The following RIPK1 variants were observed in gnomAD, a reference collection of about 807,000 sequenced individuals.
RIPK1 encodes receptor-interacting serine/threonine-protein kinase 1.
In RIPK1, 27 loss-of-function variants were observed where a neutral mutation model predicts 62.4. The ratio of observed to expected loss-of-function variants is 0.43; its 90% CI spans 0.32 to 0.60. The LOEUF (loss-of-function observed/expected upper bound fraction) is 0.60. Among genes scored for constraint, RIPK1 ranks in the 20% least tolerant of loss-of-function variants. RIPK1 has a pLI of 0.07. For synonymous variants in RIPK1, 287 were observed against 303.2 expected (o/e 0.95, Z 0.55); for missense variants, 735 against 831.0 (o/e 0.88, Z 1.42).
rs188027580 is a variant in RIPK1, at chr6:3,089,068, T to C, written c.839-513T>C. 3.9e-5 allele frequency among the ~76,000 whole-genome samples: 6 copies of C among 152,326 alleles called. No individual in the cohort carries two copies. The East Asian group carries it at 1.2e-3, about 29-fold the overall frequency. ...TCAGAGACTCTGTATGTTTGTTTTA[T>C]AAATAATATATAGGATGTTTTTGTT... On this transcript the variant is annotated intron_variant, in intron 6 of 10. Transcript: ENST00000259808.
intron 1 of RIPK1, among the ~76,000 whole-genome samples, chr6:3,074,087 G>C (rs1435035669): frequency 6.6e-6 from 1 of 152,148 alleles, no homozygotes; most frequent in African/African-American, 2.4e-5. Flanking sequence ...TGCTGTTGTT[G>C]GGAGTACATC....
intron 4 of RIPK1, among the ~76,000 whole-genome samples, chr6:3,082,312 AT>A (rs1464084924): frequency 6.6e-6 from 1 of 152,154 alleles, no homozygotes; most frequent in Non-Finnish European, 1.5e-5. Flanking sequence ...CTTCCCTCTT[AT>A]GTCGTGGGTT....
rs112464612 is a variant in RIPK1, at chr6:3,096,789, G to A, written c.915+7132G>A. ...TCAGCTAAGATGGTCTCGATCTCCC[G>A]ACCTCGTGATCTGCCCGTCTCAGCC... On this transcript the variant is annotated intron_variant, in intron 7 of 10. Coordinates refer to ENST00000259808, the MANE Select transcript of RIPK1 (RefSeq NM_001354930.2). Among the ~76,000 whole-genome samples, 1,131 of 150,776 alleles carry A rather than the reference G, an allele frequency of 7.5e-3. 20 individuals carry two copies. Among genetic ancestry groups the A allele is most frequent in the African/African-American group, 0.027 (1,102 of 40,820 alleles).
At chr6:3,086,823 CCTCT>C (rs1759718815) in intron 6 of RIPK1, among the ~76,000 whole-genome samples, 2 of 152,184 alleles carry the variant, frequency 1.3e-5, no homozygotes, top group African/African-American at 2.4e-5. Flanking sequence ...ATCTCCAGTC[CCTCT>C]CTCCTCACTG....
At chr6:3,100,466 G>A (rs1050921952) in intron 7 of RIPK1, among the ~76,000 whole-genome samples, 1 of 152,120 alleles carries the variant, frequency 6.6e-6, no homozygotes, top group Non-Finnish European at 1.5e-5. Context: ...AATTCCTAGA[G>A]AGAGAATAAG....
intron 9 of RIPK1, among the ~76,000 whole-genome samples, chr6:3,110,279 TCA>T (rs1761090515): frequency 1.3e-5 from 2 of 148,668 alleles, no homozygotes; most frequent in South Asian, 4.3e-4. Context: ...CGATCTTGGC[TCA>T]CTCTGCAAGC....
chr6:3,075,902 G>T (rs1457856083), intron 1 of RIPK1, among the ~76,000 whole-genome samples: 5 of 151,002 alleles, frequency 3.3e-5, no homozygotes, highest in African/African-American at 1.2e-4. Flanking sequence ...TTTGCCATGG[G>T]CTGCTTTTTT....
upstream of RIPK1, among the ~76,000 whole-genome samples, chr6:3,067,551 C>T (rs1172512611): frequency 5.3e-5 from 8 of 151,568 alleles, no homozygotes; most frequent in Non-Finnish European, 1.0e-4. Context: ...AGCTTTTGCC[C>T]GCCTTTAATC....
chr6:3,112,204 C>T (rs1056040210), intron 10 of RIPK1, among the ~76,000 whole-genome samples: 6 of 152,202 alleles, frequency 3.9e-5, no homozygotes, highest in Middle Eastern at 3.4e-3. Context: ...GTTACCTCGT[C>T]GCTTGAAAGA....
At chr6:3,089,350 A>T (rs887706631) in intron 6 of RIPK1, among the ~76,000 whole-genome samples, 27 of 152,214 alleles carry the variant, frequency 1.8e-4, no homozygotes, top group Non-Finnish European at 2.4e-4. Context: ...TAAAAAGCAC[A>T]AAGAGCACAG....
intron 7 of RIPK1, among the ~76,000 whole-genome samples, chr6:3,099,651 G>A (rs1021723890): frequency 6.6e-6 from 1 of 152,152 alleles, no homozygotes; most frequent in Non-Finnish European, 1.5e-5. Context: ...ATTTGGCCTC[G>A]CCAACAGAGA....
intron 7 of RIPK1, among the ~76,000 whole-genome samples, chr6:3,102,915 T>G (rs1760661478): frequency 6.6e-6 from 1 of 152,214 alleles, no homozygotes; most frequent in Admixed American, 6.5e-5. Context: ...TTTTAAGTAC[T>G]GTTAAAATTG....
chr6:3,103,294 T>G (rs1453763600), intron 7 of RIPK1, among the ~76,000 whole-genome samples: 1 of 142,692 alleles, frequency 7.0e-6, no homozygotes, highest in East Asian at 1.9e-4. Context: ...TTATTTTATT[T>G]TATTTATTTA....
At chr6:3,094,590 T>C (rs1256187297) in intron 7 of RIPK1, among the ~76,000 whole-genome samples, 1 of 126,542 alleles carries the variant, frequency 7.9e-6, no homozygotes, top group Non-Finnish European at 1.5e-5. Context: ...CATATATATA[T>C]ATATATATAT....
chr6:3,081,764 G>A (rs747031083), intron 4 of RIPK1, among the ~76,000 whole-genome samples: 5 of 151,352 alleles, frequency 3.3e-5, no homozygotes, highest in Non-Finnish European at 5.9e-5. Context: ...GGAGGCTGGG[G>A]CAGGAGAATC....
intron 7 of RIPK1, among the ~76,000 whole-genome samples, chr6:3,102,973 A>C (rs1206045689): frequency 6.6e-6 from 1 of 152,162 alleles, no homozygotes; most frequent in East Asian, 1.9e-4. Context: ...AGCAATGCAC[A>C]AGGATTCTAA....
Position 3,077,761 on chromosome 6 carries a change from C to T in RIPK1, c.165-18C>T. ...GCTGGCTCTGCCAGCCTCAGCATAG[C>T]ACCTTTCCTGCCCACAGGCACAACG... On this transcript the variant is annotated intron_variant, in intron 2 of 10. Coordinates refer to ENST00000259808, the MANE Select transcript of RIPK1 (RefSeq NM_001354930.2). 6.2e-7 allele frequency: 1 copy of T among 1,613,516 alleles called. No homozygotes were observed. Among genetic ancestry groups the T allele is most frequent in the Admixed American group, 1.7e-5 (1 of 59,994 alleles).
At chr6:3,067,118 G>C (rs1188497373), upstream of RIPK1, among the ~76,000 whole-genome samples, 1 of 96,716 alleles carries the variant, frequency 1.0e-5, no homozygotes, top group African/African-American at 4.2e-5. Flanking sequence ...ATATTCCATT[G>C]TATAGATGTA....
At chr6:3,099,297 C>T (rs1413927245) in intron 7 of RIPK1, among the ~76,000 whole-genome samples, 2 of 152,330 alleles carry the variant, frequency 1.3e-5, no homozygotes, top group South Asian at 2.1e-4. Flanking sequence ...GTAATCCCAG[C>T]ACTTTGGGAG....
Sources: allele counts gnomAD v4.1 joint callset (sites outside exome capture counted in the v4.1 genomes callset), GRCh38; gene constraint gnomAD v4.1.1; transcripts MANE v1.5; gene names NCBI Gene and HGNC (gene_info 2026-07-23, HGNC 2026-07-21).